The following ZNF385D variants were observed in gnomAD, a reference collection of about 807,000 sequenced individuals.
ZNF385D encodes the protein zinc finger protein 659.
ZNF385D carries 15 observed loss-of-function variants against 35.8 expected under a neutral mutation model. The observed-to-expected ratio is 0.42, with a 90% CI of 0.28 to 0.64. The LOEUF is 0.64. Ranked by LOEUF, ZNF385D falls within the 30% of genes least tolerant of loss-of-function variation. ZNF385D has a pLI of 0.23. For synonymous variants in ZNF385D, 212 were observed against 186.8 expected, an observed-to-expected ratio of 1.13 and a Z score of -1.10; for missense variants, 474 against 494.6, an observed-to-expected ratio of 0.96 and a Z score of 0.39.
chr3:21,742,777 T>C (rs544404462), intron 1 of ZNF385D, among the ~76,000 whole-genome samples: 173 of 152,318 alleles, frequency 1.1e-3, no homozygotes, highest in African/African-American at 3.8e-3. Flanking sequence ...TGTCTCACCA[T>C]TCCCCATGTG....
chr3:21,559,960 C>T (rs1047826263), intron 3 of ZNF385D, among the ~76,000 whole-genome samples: 1 of 152,130 alleles, frequency 6.6e-6, no homozygotes, highest in Admixed American at 6.5e-5. Context: ...GCTATTGATA[C>T]TTGTGTATGC....
At chr3:21,684,365 C>CTCTCT (rs1553637053) in intron 1 of ZNF385D, among the ~76,000 whole-genome samples, 1 of 73,382 alleles carries the variant, frequency 1.4e-5, no homozygotes, top group Non-Finnish European at 2.6e-5. Context: ...TAACTGTTCT[C>CTCTCT]CTCTCTCTCT....
At chr3:21,740,252 T>C (rs1268821544) in intron 1 of ZNF385D, among the ~76,000 whole-genome samples, 2 of 152,120 alleles carry the variant, frequency 1.3e-5, no homozygotes, top group African/African-American at 4.8e-5. Context: ...CATAAAGTGG[T>C]AGCTCATCTA....
intron 3 of ZNF385D, among the ~76,000 whole-genome samples, chr3:22,012,927 G>A (rs973868606): frequency 1.3e-5 from 2 of 152,014 alleles, no homozygotes; most frequent in Non-Finnish European, 2.9e-5. Context: ...CTGACTCAAC[G>A]ACCGCATTTA....
Position 22,372,498 on chromosome 3 carries a change from C to T in ZNF385D, c.58G>A (p.Gly20Arg), listed in dbSNP as rs1236396396. Residue 20 changes from glycine to arginine, a missense_variant, in exon 2 of 6, where the codon GGA (glycine) becomes AGA (arginine). Physicochemically the swap from Gly to Arg is moderately radical, Grantham distance 125. Coordinates refer to the ZNF385D transcript ENST00000494108. ...GCCCCCAGGAGCTTTTCTCTCCTTC[C>T]TCCCACCGAGCTCTTCATTCTCCTG... 3.0e-6 allele frequency: 3 copies of T among 985,818 alleles called. No homozygotes were observed. In the African/African-American group the frequency reaches 5.2e-5, roughly 17 times the overall value. The allele number at this position is 985,818 out of a possible 1,614,324, so 61.1% of individuals were successfully genotyped here.
intron 3 of ZNF385D, among the ~76,000 whole-genome samples, chr3:21,947,694 T>C (rs2125290338): frequency 6.6e-6 from 1 of 152,244 alleles, no homozygotes; most frequent in African/African-American, 2.4e-5. Flanking sequence ...ATTTTTTGCG[T>C]GTAATATCTC....
chr3:21,580,295 T>TA (rs1383757195), intron 2 of ZNF385D, among the ~76,000 whole-genome samples: 1 of 152,260 alleles, frequency 6.6e-6, no homozygotes, highest in African/African-American at 2.4e-5. Flanking sequence ...CTCAAGGAAT[T>TA]AAAGTGTTCA....
chr3:21,892,705 A>G (rs1698934187), intron 3 of ZNF385D, among the ~76,000 whole-genome samples: 2 of 152,030 alleles, frequency 1.3e-5, no homozygotes, highest in African/African-American at 4.8e-5. Flanking sequence ...CACTCTCTCC[A>G]CCAGTTTTTC....
At chr3:21,594,101 A>T (rs1040116033) in intron 2 of ZNF385D, among the ~76,000 whole-genome samples, 1 of 152,218 alleles carries the variant, frequency 6.6e-6, no homozygotes, top group Non-Finnish European at 1.5e-5. Context: ...CAACTCTAGC[A>T]GATAGGGCTC....
At chr3:22,073,940 T>C (rs1246552035) in intron 3 of ZNF385D, among the ~76,000 whole-genome samples, 1 of 151,966 alleles carries the variant, frequency 6.6e-6, no homozygotes, top group Non-Finnish European at 1.5e-5. Flanking sequence ...CTTCATGTAT[T>C]AAAAGGAACA....
At chr3:22,362,092 C>A (rs1696436165) in intron 2 of ZNF385D, among the ~76,000 whole-genome samples, 1 of 151,288 alleles carries the variant, frequency 6.6e-6, no homozygotes, top group Admixed American at 6.6e-5. Flanking sequence ...ATCCTTTATG[C>A]CTGCTAAAAC....
chr3:21,464,430 CTT>C (rs1170421642), intron 4 of ZNF385D, among the ~76,000 whole-genome samples: 1 of 152,108 alleles, frequency 6.6e-6, no homozygotes, highest in Non-Finnish European at 1.5e-5. Context: ...CTTTCTCAAT[CTT>C]TTGTCTGTCT....
intron 2 of ZNF385D, among the ~76,000 whole-genome samples, chr3:22,298,011 A>T (rs1342804258): frequency 6.6e-6 from 1 of 152,080 alleles, no homozygotes; most frequent in Non-Finnish European, 1.5e-5. Flanking sequence ...AAACTGATCA[A>T]TTTGGGGGAA....
intron 2 of ZNF385D, among the ~76,000 whole-genome samples, chr3:22,171,763 G>T (rs547568204): frequency 6.6e-6 from 1 of 151,420 alleles, no homozygotes; most frequent in African/African-American, 2.4e-5. Context: ...TGTAGTTCCA[G>T]CTACTCGGGA....
chr3:21,756,200 C>G (rs1353363596), upstream of ZNF385D, among the ~76,000 whole-genome samples: 1 of 152,086 alleles, frequency 6.6e-6, no homozygotes, highest in Non-Finnish European at 1.5e-5. Context: ...TGGCTTGGAC[C>G]AGGGAAGAAA....
chr3:21,698,004 T>C (rs191460916), intron 1 of ZNF385D, among the ~76,000 whole-genome samples: 4 of 152,262 alleles, frequency 2.6e-5, no homozygotes, highest in Admixed American at 2.6e-4. Context: ...GGTGGGAATG[T>C]AAATTAGTGC....
At chr3:21,631,710 C>T (rs2065285604) in intron 2 of ZNF385D, among the ~76,000 whole-genome samples, 1 of 152,060 alleles carries the variant, frequency 6.6e-6, no homozygotes, top group Non-Finnish European at 1.5e-5. Flanking sequence ...AAACCTTTTA[C>T]TTTTTGGCTT....
intron 2 of ZNF385D, among the ~76,000 whole-genome samples, chr3:22,255,153 A>C (rs1576571593): frequency 6.6e-6 from 1 of 151,690 alleles, no homozygotes; most frequent in East Asian, 1.9e-4. Flanking sequence ...GAACTACTAT[A>C]TTGTATAGAC....
chr3:22,303,807 T>C (rs1421532121), intron 2 of ZNF385D, among the ~76,000 whole-genome samples: 2 of 152,168 alleles, frequency 1.3e-5, no homozygotes, highest in African/African-American at 4.8e-5. Flanking sequence ...GATGGAGTTT[T>C]GCTCTTGTTG....
Sources: gnomAD v4.1 joint callset for allele counts (sites outside exome capture counted in the v4.1 genomes callset) on GRCh38, gnomAD v4.1.1 for gene constraint, MANE v1.5 for transcripts, NCBI Gene and HGNC (gene_info 2026-07-23, HGNC 2026-07-21) for gene names.